The following PLEKHA6 variants were observed in gnomAD, a reference collection of about 807,000 sequenced individuals.
PLEKHA6 encodes the protein pleckstrin homology domain-containing family A member 6.
In PLEKHA6, 60 loss-of-function variants were observed where a neutral mutation model predicts 116.7. The observed-to-expected ratio is 0.51, with a 90% CI of 0.42 to 0.64. The LOEUF (loss-of-function observed/expected upper bound fraction) is 0.64, where lower values mean the gene tolerates loss of function less well. Ranked by LOEUF, PLEKHA6 falls within the 30% of genes least tolerant of loss-of-function variation. PLEKHA6 has a pLI of 0.00. For synonymous variants in PLEKHA6, 489 were observed against 556.1 expected, an observed-to-expected ratio of 0.88 and a Z score of 1.70; for missense variants, 1,338 against 1,422.7, an observed-to-expected ratio of 0.94 and a Z score of 0.96.
At chr1:204,326,472 C>T (rs1672248234) in intron 1 of PLEKHA6, among the ~76,000 whole-genome samples, 1 of 152,196 alleles carries the variant, frequency 6.6e-6, no homozygotes, top group South Asian at 2.1e-4. Flanking sequence ...CTCATTCTAA[C>T]AAGACTTTGC....
intron 15 of PLEKHA6, among the ~76,000 whole-genome samples, chr1:204,243,831 A>G (rs557829015): frequency 6.6e-6 from 1 of 151,678 alleles, no homozygotes; most frequent in Non-Finnish European, 1.5e-5. Flanking sequence ...TATTATTATT[A>G]TTTTTTTGAG....
intron 1 of PLEKHA6, among the ~76,000 whole-genome samples, chr1:204,300,976 A>C (rs368108428): frequency 6.6e-6 from 1 of 152,228 alleles, no homozygotes; most frequent in Admixed American, 6.5e-5. Flanking sequence ...TTTAGCTGCA[A>C]ACTGCGACCT....
At chr1:204,328,399 C>CT (rs796534954) in intron 1 of PLEKHA6, among the ~76,000 whole-genome samples, 163 of 125,828 alleles carry the variant, frequency 1.3e-3, no homozygotes, top group African/African-American at 2.1e-3. Context: ...AATTTTCTTT[C>CT]TTTTTTTTTT....
chr1:204,322,885 A>G (rs1672115267), intron 1 of PLEKHA6, among the ~76,000 whole-genome samples: 1 of 152,204 alleles, frequency 6.6e-6, no homozygotes, highest in Non-Finnish European at 1.5e-5. Context: ...TTCTTGTCCC[A>G]TGGCGTATCA....
At chr1:204,270,627 GC>G (rs1667350494) in intron 3 of PLEKHA6, among the ~76,000 whole-genome samples, 2 of 152,156 alleles carry the variant, frequency 1.3e-5, no homozygotes, top group African/African-American at 4.8e-5. Context: ...ATCTGCTCTT[GC>G]CTCTCAAATT....
intron 21 of PLEKHA6, among the ~76,000 whole-genome samples, chr1:204,225,690 A>G (rs1392877937): frequency 1.3e-5 from 2 of 152,184 alleles, no homozygotes; most frequent in Non-Finnish European, 2.9e-5. Flanking sequence ...TTATGCTCCA[A>G]CACCTTACCA....
intron 2 of PLEKHA6, among the ~76,000 whole-genome samples, chr1:204,370,211 C>T (rs780071441): frequency 1.3e-5 from 2 of 152,204 alleles, no homozygotes; most frequent in South Asian, 2.1e-4. Context: ...AATGAAGAGT[C>T]GAACTCCATG....
At chr1:204,291,972 A>G (rs1669812001) in intron 1 of PLEKHA6, among the ~76,000 whole-genome samples, 1 of 152,186 alleles carries the variant, frequency 6.6e-6, no homozygotes, top group Non-Finnish European at 1.5e-5. Flanking sequence ...GACTGCTATT[A>G]TTGGGCACAC....
chr1:204,306,918 G>GT (rs1671366283), intron 1 of PLEKHA6, among the ~76,000 whole-genome samples: 1 of 152,150 alleles, frequency 6.6e-6, no homozygotes. Context: ...ATACACATGG[G>GT]TTGTACTTAT....
chr1:204,355,598 C>T (rs1439125185), intron 1 of PLEKHA6, among the ~76,000 whole-genome samples: 1 of 152,074 alleles, frequency 6.6e-6, no homozygotes, highest in Non-Finnish European at 1.5e-5. Context: ...CAGCACCACA[C>T]TTAGCTAATT....
chr1:204,340,870 G>A (rs1190497544), intron 1 of PLEKHA6, among the ~76,000 whole-genome samples: 1 of 152,238 alleles, frequency 6.6e-6, no homozygotes. Flanking sequence ...GGCTATTTTT[G>A]TTAAGCAGCA....
intron 1 of PLEKHA6, chr1:204,308,036 C>T (rs1451003782): frequency 1.6e-5 from 4 of 248,384 alleles, no homozygotes; most frequent in Non-Finnish European, 2.6e-5. Context: ...TTCCTCACCT[C>T]TCCCAATTTT....
At position 204,359,909 on chromosome 1, in the gene PLEKHA6, G is replaced by A. The variant is rs1207696033; in HGVS notation, c.-310C>T. Reference sequence around the variant, plus strand: ...GAGGATGCTGTTGTGGTTACTGCAGGATCCAGCATCTTTCCCAGGCAGAGG... The same window carrying A: ...GAGGATGCTGTTGTGGTTACTGCAGAATCCAGCATCTTTCCCAGGCAGAGG... On this transcript the variant is annotated 5_prime_UTR_variant, in exon 1 of 23. Coordinates refer to ENST00000272203, the MANE Select transcript of PLEKHA6 (RefSeq NM_014935.5). 1 of 154,954 alleles carries A rather than the reference G, an allele frequency of 6.5e-6. No homozygotes were observed. Among genetic ancestry groups the A allele is most frequent in the Non-Finnish European group, 1.4e-5 (1 of 70,512 alleles). The allele number at this position is 154,954 out of a possible 1,614,324, so 9.6% of individuals were successfully genotyped here.
intron 1 of PLEKHA6, among the ~76,000 whole-genome samples, chr1:204,321,944 G>A (rs1672077777): frequency 6.6e-6 from 1 of 152,202 alleles, no homozygotes; most frequent in Non-Finnish European, 1.5e-5. Flanking sequence ...GGCTCTGGCA[G>A]GGCATGCTCT....
At chr1:204,298,664 G>A (rs927892182) in intron 1 of PLEKHA6, among the ~76,000 whole-genome samples, 1 of 152,154 alleles carries the variant, frequency 6.6e-6, no homozygotes, top group Non-Finnish European at 1.5e-5. Context: ...AAGGGCTAAT[G>A]TGCAACAGAA....
rs1003740152 is a variant in PLEKHA6 at position 204,275,726 on chromosome 1, G to C, written c.-94-917C>G. The C allele has an allele frequency of 1.6e-5, 16 of 985,032 alleles. No homozygotes were observed. In the African/African-American group the frequency reaches 2.8e-4, roughly 17 times the overall value. 61.0% of individuals were successfully genotyped at this position (985,032 alleles called of 1,614,324 possible). A position where few individuals can be genotyped will look rare whatever the true frequency, so the allele number is the denominator to read the frequency against. On this transcript the variant is annotated intron_variant, in intron 1 of 22. Transcript: ENST00000272203. ...TGATGCAGCGGTCTAAGCCATAATG[G>C]CAACCCCCAAGATGGATCCAGTAAG...
chr1:204,270,849 C>T (rs1667374492), intron 3 of PLEKHA6, among the ~76,000 whole-genome samples: 2 of 152,212 alleles, frequency 1.3e-5, no homozygotes, highest in Admixed American at 1.3e-4. Context: ...CCAGACAGGC[C>T]CTGCTTCTGG....
At chr1:204,375,469 G>C (rs1031907386) in intron 1 of PLEKHA6, among the ~76,000 whole-genome samples, 3 of 152,000 alleles carry the variant, frequency 2.0e-5, no homozygotes, top group Non-Finnish European at 4.4e-5. Flanking sequence ...TTCCTGATTT[G>C]GTTCCTGAAG....
intron 1 of PLEKHA6, among the ~76,000 whole-genome samples, chr1:204,334,665 AG>A (rs2103285932): frequency 6.6e-6 from 1 of 152,234 alleles, no homozygotes; most frequent in South Asian, 2.1e-4. Context: ...TTGGGAGGTC[AG>A]GGTGGGTGGA....
Sources: allele counts gnomAD v4.1 joint callset (sites outside exome capture counted in the v4.1 genomes callset), GRCh38; gene constraint gnomAD v4.1.1; transcripts MANE v1.5; gene names NCBI Gene and HGNC (gene_info 2026-07-23, HGNC 2026-07-21).